AMBN: variants seen among roughly 807,000 people sequenced by gnomAD.
AMBN encodes enamel matrix protein.
In AMBN, 54 loss-of-function variants were observed where a neutral mutation model predicts 48.0. That is an observed-to-expected ratio of 1.12 (90% confidence interval 0.90 to 1.41). The LOEUF (loss-of-function observed/expected upper bound fraction) is 1.41. AMBN is among the 40% of genes most tolerant of loss of function. The pLI, the probability that AMBN is intolerant of heterozygous loss-of-function variation, is 0.00. For missense variants in AMBN, 571 were observed against 547.3 expected, an observed-to-expected ratio of 1.04 and a Z score of -0.43; for synonymous variants, 186 against 190.0, an observed-to-expected ratio of 0.98 and a Z score of 0.17.
At position 70,601,447 on chromosome 4, in the gene AMBN, A is replaced by C. The variant is rs1577956001; in HGVS notation, c.324A>C (p.Pro108=). The C allele has an allele frequency of 6.2e-7, 1 of 1,613,786 alleles. No individual in the cohort carries two copies. The highest frequency in any genetic ancestry group is 1.1e-5 in the South Asian group (1 of 91,056). The change falls in exon 6 of 13, where the codon CCA becomes CCC. Residue 108 remains proline (P), a synonymous_variant. Transcript: ENST00000322937. ...AATATTCTTTGCCTGTGCATCCCCC[A>C]CCTCTCCCATCACAGCCATCCTTGA... ...QYEYSLPVHP[P]PLPSQPSLKP...
rs148944860 is a variant in AMBN at position 70,601,418 on chromosome 4, T to C, written c.295T>C (p.Tyr99His). The change falls in exon 6 of 13, where the codon TAT (tyrosine) becomes CAT (histidine). Residue 99 changes from tyrosine to histidine, a missense_variant and splice_region_variant. Physicochemically the swap from Tyr to His is moderately conservative, Grantham distance 83. Transcript: ENST00000322937. ...ACACTCTTTTCAAATTTCTCTGCAG[T>C]ATGAATATTCTTTGCCTGTGCATCC... ...MRPREHETQQYEYSLPVHPPP... is the reference protein window; with the variant it reads ...MRPREHETQQHEYSLPVHPPP... 291 of 1,613,512 alleles carry C rather than the reference T, an allele frequency of 1.8e-4. No homozygotes were observed. Among genetic ancestry groups the C allele is most frequent in the Non-Finnish European group, 2.3e-4 (271 of 1,179,566 alleles).
chr4:70,606,502 G>A lies in AMBN; in HGVS notation c.1116G>A (p.Met372Ile). Residue 372 changes from methionine to isoleucine, a missense_variant, in exon 13 of 13, where the codon ATG becomes ATA. Coordinates refer to ENST00000322937, the MANE Select transcript of AMBN (RefSeq NM_016519.6). Reference sequence around the variant, plus strand: ...TGCCAAGGAGCCCTTCAGGGAAGATGAAGGGACTCCCCAGCGTCACCCCAG... The same window carrying A: ...TGCCAAGGAGCCCTTCAGGGAAGATAAAGGGACTCCCCAGCGTCACCCCAG... ...PGLPRSPSGK[M>I]KGLPSVTPAA... 2 of 1,614,056 alleles carry A rather than the reference G, an allele frequency of 1.2e-6. No individual in the cohort carries two copies. The highest frequency in any genetic ancestry group is 8.5e-7 in the Non-Finnish European group (1 of 1,179,988).
At chr4:70,603,650 GCACACGCACA>G (rs928427207) in intron 11 of AMBN, among the ~76,000 whole-genome samples, 190 bp downstream of exon 11, 1 of 146,498 alleles carries the variant, frequency 6.8e-6, no homozygotes, top group African/African-American at 2.6e-5. Flanking sequence ...ACACACACAC[GCACACGCACA>G]CACACGCACA....
At chr4:70,602,566 A>T in intron 6 of AMBN, 58 bp from the exon 7 acceptor site, 1 of 1,286,208 alleles carries the variant, frequency 7.8e-7, no homozygotes, top group Non-Finnish European at 1.1e-6. Context: ...TTTTAATGTC[A>T]CTTTGTCTAT....
intron 11 of AMBN, 152 bp from the exon 12 acceptor site, chr4:70,603,725 A>G: frequency 2.4e-6 from 2 of 829,284 alleles, no homozygotes; most frequent in East Asian, 2.7e-5. Context: ...AGTTGACTAC[A>G]TTTATTCCAT....
In AMBN at chr4:70,605,674, G is replaced by A. The variant is rs1334034341; in HGVS notation, c.799-511G>A. ...GCAGTGTCTCACCCCTGTGATCCCAGCTACTAGGGAGGCTGAGGCAAGAAG... is the reference window on the plus strand; with the variant it reads ...GCAGTGTCTCACCCCTGTGATCCCAACTACTAGGGAGGCTGAGGCAAGAAG... On this transcript the variant is annotated intron_variant, in intron 12 of 12. Coordinates refer to ENST00000322937, the MANE Select transcript of AMBN (RefSeq NM_016519.6). 2.0e-5 allele frequency among the ~76,000 whole-genome samples: 3 copies of A among 152,156 alleles called. No individual in the cohort carries two copies. The East Asian group carries it at 5.8e-4, about 29-fold the overall frequency.
Position 70,606,872 on chromosome 4 carries a change from G to C in AMBN, c.*142G>C. The C allele has an allele frequency of 1.1e-6, 1 of 900,108 alleles. No individual in the cohort carries two copies. Among genetic ancestry groups the C allele is most frequent in the Admixed American group, 3.0e-5 (1 of 33,732 alleles). The allele number at this position is 900,108 out of a possible 1,614,324, so 55.8% of individuals were successfully genotyped here. A position where few individuals can be genotyped will look rare whatever the true frequency, so the allele number is the denominator to read the frequency against. On this transcript the variant is annotated 3_prime_UTR_variant, in exon 13 of 13. Transcript: ENST00000322937. ...AAGCATATATTAATAAATGCAAGTG[G>C]CTAGAAATAGTGTAGGTCCCCTTCT...
At chr4:70,598,676 A>G (rs953712589) in intron 4 of AMBN, among the ~76,000 whole-genome samples, 3 of 100,668 alleles carry the variant, frequency 3.0e-5, no homozygotes, top group African/African-American at 1.6e-4. Context: ...CTAAATCTCA[A>G]ACAATTTATG....
At chr4:70,599,791 A>G in intron 5 of AMBN, 145 bp downstream of exon 5, 2 of 537,426 alleles carry the variant, frequency 3.7e-6, no homozygotes, top group Non-Finnish European at 6.4e-6. Context: ...CGAAGCCTAT[A>G]ACTGCTTTTA....
chr4:70,595,430 C>G (rs1020620850), intron 2 of AMBN, among the ~76,000 whole-genome samples: 4 of 152,002 alleles, frequency 2.6e-5, no homozygotes, highest in Non-Finnish European at 5.9e-5. Context: ...CATGATTTGC[C>G]CACCTCAGCC....
intron 5 of AMBN, among the ~76,000 whole-genome samples, chr4:70,600,257 C>T (rs747740833): frequency 9.9e-5 from 15 of 151,440 alleles, no homozygotes; most frequent in Non-Finnish European, 2.1e-4. Context: ...TGCAGTGAGC[C>T]GAGATTGTGC....
chr4:70,601,879 G>C, intron 6 of AMBN: 1 of 644,028 alleles, frequency 1.6e-6, no homozygotes, highest in South Asian at 1.5e-5. Flanking sequence ...AAAAGATACT[G>C]TGCCTATAAA....
At chr4:70,592,437 A>G in intron 1 of AMBN, 64 bp downstream of exon 1, 1 of 1,559,070 alleles carries the variant, frequency 6.4e-7, no homozygotes. Flanking sequence ...ATCTCCTGAC[A>G]GCTTTTATAA....
In AMBN at chr4:70,606,659, A is replaced by G; in HGVS notation, c.1273A>G (p.Thr425Ala). Residue 425 changes from threonine (T) to alanine (A), a missense_variant, in exon 13 of 13, where the codon ACA (threonine) becomes GCA (alanine). Physicochemically the swap from Thr to Ala is moderately conservative, Grantham distance 58. Transcript: ENST00000322937. ...CACGATGGCCCCAAACTCTCTGCAA[A>G]CATCCATGCCAGGAAACAAAGCCCA... ...DTTMAPNSLQ[T>A]SMPGNKAQEP... 1.2e-6 allele frequency: 2 copies of G among 1,614,096 alleles called. No homozygotes were observed. Among genetic ancestry groups the G allele is most frequent in the Non-Finnish European group, 1.7e-6 (2 of 1,179,986 alleles).
Position 70,596,987 on chromosome 4 carries a change from A to C in AMBN, c.85-12A>C. 1.2e-6 allele frequency: 2 copies of C among 1,612,460 alleles called. No individual in the cohort carries two copies. Among genetic ancestry groups the C allele is most frequent in the East Asian group, 4.5e-5 (2 of 44,814 alleles). On this transcript the variant is annotated splice_polypyrimidine_tract_variant and intron_variant, in intron 2 of 12. Transcript: ENST00000322937. Reference sequence around the variant, plus strand: ...ACCAATAAGACTCAAAATTATTCTTATTTTCATTCAGTTCTTTCCTCAGCA... The same window carrying C: ...ACCAATAAGACTCAAAATTATTCTTCTTTTCATTCAGTTCTTTCCTCAGCA...
intron 2 of AMBN, among the ~76,000 whole-genome samples, chr4:70,596,110 T>C (rs1737379158): frequency 1.3e-5 from 2 of 151,924 alleles, no homozygotes; most frequent in South Asian, 4.2e-4. Flanking sequence ...GCCAACATGG[T>C]GAAACTCTGT....
chr4:70,602,546 AT>A (rs1033855203), intron 6 of AMBN, 77 bp from the exon 7 acceptor site: 10 of 1,086,760 alleles, frequency 9.2e-6, no homozygotes, highest in South Asian at 5.0e-5. Context: ...CACTTTGTCT[AT>A]TTTTTTATTT....
In AMBN at chr4:70,606,643, C is replaced by T. The variant is rs754351034; in HGVS notation, c.1257C>T (p.Ala419=). ...AAGCAACCATGGATACCACGATGGC[C>T]CCAAACTCTCTGCAAACATCCATGC... ...QEEATMDTTM[A]PNSLQTSMPG... The change falls in exon 13 of 13, where the codon GCC becomes GCT. Residue 419 remains alanine, a synonymous_variant. Transcript: ENST00000322937. 1 of 1,614,070 alleles carries T rather than the reference C, an allele frequency of 6.2e-7. No homozygotes were observed. The highest frequency in any genetic ancestry group is 1.1e-5 in the South Asian group (1 of 91,074).
Position 70,607,073 on chromosome 4 carries a change from A to G in AMBN, c.*343A>G, listed in dbSNP as rs907139718. The G allele has an allele frequency of 4.7e-5, 9 of 191,426 alleles. No individual in the cohort carries two copies. The highest frequency in any genetic ancestry group is 8.6e-5 in the Non-Finnish European group (8 of 93,318). 11.9% of individuals were successfully genotyped at this position (191,426 alleles called of 1,614,324 possible). On this transcript the variant is annotated 3_prime_UTR_variant, in exon 13 of 13. Transcript: ENST00000322937. ...AGCATGACACTATTATATTCAGGAA[A>G]CATGGCACTGCTTTTTTCTCTAAGC...
Sources: gnomAD v4.1 joint callset for allele counts (sites outside exome capture counted in the v4.1 genomes callset) on GRCh38, gnomAD v4.1.1 for gene constraint, MANE v1.5 for transcripts, NCBI Gene and HGNC (gene_info 2026-07-23, HGNC 2026-07-21) for gene names.